The following PTBP1 variants were observed in gnomAD, a reference collection of about 807,000 sequenced individuals.
PTBP1 encodes polypyrimidine tract-binding protein 1.
Under a neutral mutation model 59.8 loss-of-function variants are expected in PTBP1, and 8 were observed. That is an observed-to-expected ratio of 0.13 (90% CI 0.08 to 0.24). PTBP1 has a LOEUF of 0.24. Ranked by LOEUF, PTBP1 falls within the 10% of genes least tolerant of loss-of-function variation. The probability of loss-of-function intolerance (pLI) is 1.00; values close to 1 mark genes in which losing one functional copy is unlikely to be tolerated. For synonymous variants in PTBP1, 490 were observed against 320.7 expected (o/e 1.53, Z -5.64); for missense variants, 686 against 767.0 (o/e 0.89, Z 1.25).
intron 1 of PTBP1, 187 bp from the exon 2 acceptor site, chr19:799,226 G>A (rs2034220393): frequency 2.9e-6 from 2 of 700,072 alleles, no homozygotes; most frequent in Admixed American, 2.1e-5. Context: ...TCAAGTTGCA[G>A]TCAAGTGGAC....
intron 2 of PTBP1, among the ~76,000 whole-genome samples, chr19:802,004 TGAACA>T (rs1432691133): frequency 6.6e-6 from 1 of 152,228 alleles, no homozygotes; most frequent in African/African-American, 2.4e-5. Context: ...TCTTGGGGAC[TGAACA>T]GGTGCCATTT....
Position 810,951 on chromosome 19 carries a change from GT to G in PTBP1, c.*128del. 1.9e-6 allele frequency: 2 copies of G among 1,046,192 alleles called. No individual in the cohort carries two copies. The highest frequency in any genetic ancestry group is 2.6e-6 in the Non-Finnish European group (2 of 759,448). The allele number at this position is 1,046,192 out of a possible 1,614,324, so 64.8% of individuals were successfully genotyped here. On this transcript the variant is annotated 3_prime_UTR_variant, in exon 15 of 15. Transcript: ENST00000356948. ...ATTTTATTTTTTTAAAGAGAAATCA[GT>G]TTACCTGTTTTTAAAAAAATTAAAT...
intron 13 of PTBP1, among the ~76,000 whole-genome samples, chr19:809,018 A>G (rs977704006): frequency 6.6e-6 from 1 of 152,074 alleles, no homozygotes; most frequent in African/African-American, 2.4e-5. Context: ...TTATTTATTT[A>G]TATTTTTTGA....
intron 2 of PTBP1, among the ~76,000 whole-genome samples, chr19:803,144 G>T (rs543585162): frequency 9.9e-5 from 15 of 152,228 alleles, no homozygotes; most frequent in African/African-American, 2.9e-4. Flanking sequence ...GTGCTGCTGG[G>T]GGGGCTGGCT....
rs377512710 is a variant in PTBP1, at chr19:807,913, G to T, written c.1153+11G>T. 1 of 1,608,222 alleles carries T rather than the reference G, an allele frequency of 6.2e-7. No individual in the cohort carries two copies. The highest frequency in any genetic ancestry group is 1.3e-5 in the African/African-American group (1 of 74,842). On this transcript the variant is annotated intron_variant, in intron 11 of 14. Coordinates refer to ENST00000356948, the MANE Select transcript of PTBP1 (RefSeq NM_002819.5). ...TCTTTATTCTTTTCGGTATGTTATC[G>T]TTCACACTTTTATTACCTTGTTTTC...
intron 8 of PTBP1, 135 bp from the exon 9 acceptor site, chr19:805,357 C>G (rs2034516953): frequency 1.7e-6 from 2 of 1,198,810 alleles, no homozygotes; most frequent in African/African-American, 1.5e-5. Context: ...CCACGGCCCC[C>G]CCTGGAGCAG....
At chr19:799,816 A>G (rs896363218) in intron 2 of PTBP1, among the ~76,000 whole-genome samples, 11 of 152,162 alleles carry the variant, frequency 7.2e-5, no homozygotes, top group Non-Finnish European at 1.5e-4. Context: ...CTTGGTTTTG[A>G]TAGGAAAAGA....
chr19:798,011 C>A (rs1026624757), intron 1 of PTBP1, among the ~76,000 whole-genome samples: 1 of 150,768 alleles, frequency 6.6e-6, no homozygotes, highest in African/African-American at 2.4e-5. Flanking sequence ...GCCCCGGAAG[C>A]GCAGGCGGGG....
intron 3 of PTBP1, 111 bp from the exon 4 acceptor site, chr19:803,925 G>A: frequency 1.5e-6 from 2 of 1,297,790 alleles, no homozygotes; most frequent in Non-Finnish European, 2.2e-6. Flanking sequence ...GCACCCTCCT[G>A]GGGCTCAGGG....
rs2034526800 is a variant in PTBP1, at chr19:805,552, C to T, written c.953C>T (p.Ala318Val). The change falls in exon 9 of 15, where the codon GCC becomes GTC. Residue 318 changes from alanine (A) to valine (V), a missense_variant. Physicochemically the swap from Ala to Val is moderately conservative, Grantham distance 64. Transcript: ENST00000356948. ...GGAGCTGGTTTCCCTCCCACCTTTGCCATTCCTCAAGCTGCAGGTATTCAA... is the reference window on the plus strand; with the variant it reads ...GGAGCTGGTTTCCCTCCCACCTTTGTCATTCCTCAAGCTGCAGGTATTCAA... ...YAGAGFPPTFAIPQAAGLSVP... is the reference protein window; with the variant it reads ...YAGAGFPPTFVIPQAAGLSVP... 6.2e-7 allele frequency: 1 copy of T among 1,613,726 alleles called. No individual in the cohort carries two copies. The highest frequency in any genetic ancestry group is 8.5e-7 in the Non-Finnish European group (1 of 1,179,606).
At chr19:797,846 G>T (rs1451942912) in intron 1 of PTBP1, among the ~76,000 whole-genome samples, 1 of 148,400 alleles carries the variant, frequency 6.7e-6, no homozygotes, top group Non-Finnish European at 1.5e-5. Context: ...TTCCCGTCCG[G>T]CCCTCGCGCG....
At chr19:799,782 C>T (rs539150916) in intron 2 of PTBP1, among the ~76,000 whole-genome samples, 1 of 152,304 alleles carries the variant, frequency 6.6e-6, no homozygotes, top group East Asian at 1.9e-4. Flanking sequence ...TGGGAAACCT[C>T]ATGTTGTGGC....
At position 803,636 on chromosome 19, in the gene PTBP1, G is replaced by A. The variant is rs1181143902; in HGVS notation, c.115G>A (p.Ala39Thr). Residue 39 changes from alanine (A) to threonine (T), a missense_variant and splice_region_variant, in exon 3 of 15, where the codon GCA becomes ACA. Coordinates refer to ENST00000356948, the MANE Select transcript of PTBP1 (RefSeq NM_002819.5). Reference sequence around the variant, plus strand: ...CATGAGCAGCAACTCGGCTTCTGCAGGTAAGGCCGGGACTCGGCCCAGGGC... The same window carrying A: ...CATGAGCAGCAACTCGGCTTCTGCAAGTAAGGCCGGGACTCGGCCCAGGGC... ...FIMSSNSASA[A>T]NGNDSKKFKG... The A allele has an allele frequency of 6.2e-7, 1 of 1,613,982 alleles. No homozygotes were observed. Among genetic ancestry groups the A allele is most frequent in the South Asian group, 1.1e-5 (1 of 91,084 alleles).
In PTBP1 at chr19:808,557, C is replaced by T. The variant is rs764360679; in HGVS notation, c.1258C>T (p.Leu420=). 2.5e-6 allele frequency: 4 copies of T among 1,594,454 alleles called. No individual in the cohort carries two copies. The highest frequency in any genetic ancestry group is 2.3e-5 in the East Asian group (1 of 43,688). ...TGCTGCTCCCCCAGCCATGAGCCAC[C>T]TGAACGGGCACAAGCTGCACGGGAA... ...GNQAQLAMSH[L]NGHKLHGKPI... Residue 420 remains leucine (L), a synonymous_variant, in exon 13 of 15, where the codon CTG becomes TTG. Coordinates refer to ENST00000356948, the MANE Select transcript of PTBP1 (RefSeq NM_002819.5). The surrounding 1 kb of genome is among the most constrained non-coding windows in gnomAD (Gnocchi z 4.7).
rs760226303 is a variant in PTBP1, at chr19:804,640, C to T, written c.544C>T (p.Pro182Ser). Residue 182 changes from proline to serine, a missense_variant, in exon 6 of 15, where the codon CCC becomes TCC. Transcript: ENST00000356948. Reference protein sequence around the residue: ...DAGMAMAGQSPVLRIIVENLF... With the variant: ...DAGMAMAGQSSVLRIIVENLF... Reference sequence around the variant, plus strand: ...AGGGATGGCGATGGCCGGGCAGAGCCCCGTGCTCAGGATCATCGTGGAGAA... The same window carrying T: ...AGGGATGGCGATGGCCGGGCAGAGCTCCGTGCTCAGGATCATCGTGGAGAA... The T allele has an allele frequency of 1.2e-6, 2 of 1,612,900 alleles. No individual in the cohort carries two copies. The highest frequency in any genetic ancestry group is 1.3e-5 in the African/African-American group (1 of 74,942).
Position 810,977 on chromosome 19 carries a change from T to G in PTBP1, c.*151T>G, listed in dbSNP as rs752416108. The G allele has an allele frequency of 2.9e-4, 246 of 849,774 alleles. No homozygotes were observed. The highest frequency in any genetic ancestry group is 3.8e-4 in the Non-Finnish European group (226 of 592,854). 52.6% of individuals were successfully genotyped at this position (849,774 alleles called of 1,614,324 possible). ...TTTACCTGTTTTTAAAAAAATTAAATCTAGTTCACCTTGCTCACCCTGCGG... is the reference window on the plus strand; with the variant it reads ...TTTACCTGTTTTTAAAAAAATTAAAGCTAGTTCACCTTGCTCACCCTGCGG... On this transcript the variant is annotated 3_prime_UTR_variant, in exon 15 of 15. Transcript: ENST00000356948.
Position 805,077 on chromosome 19 carries a change from C to G in PTBP1, c.782C>G (p.Thr261Ser). Residue 261 changes from threonine to serine, a missense_variant, in exon 8 of 15, where the codon ACC becomes AGC. Physicochemically the swap from Thr to Ser is moderately conservative, Grantham distance 58 (BLOSUM62 1). Transcript: ENST00000356948. ...CTLRIDFSKL[T>S]SLNVKYNNDK... ...CTGCGCATCGACTTTTCCAAGCTCA[C>G]CAGCCTCAACGTCAAGTACAACAAT... 1 of 1,613,888 alleles carries G rather than the reference C, an allele frequency of 6.2e-7. No homozygotes were observed. The highest frequency in any genetic ancestry group is 8.5e-7 in the Non-Finnish European group (1 of 1,179,882).
At position 804,885 on chromosome 19, in the gene PTBP1, G is replaced by A. The variant is rs898720547; in HGVS notation, c.663G>A (p.Gln221=). ...TCATCACCTTCACCAAGAACAACCA[G>A]TTCCAGGCCCTGCTGCAGTATGCGG... ...LKIITFTKNN[Q]FQALLQYADP... The change falls in exon 7 of 15, where the codon CAG becomes CAA. Residue 221 remains glutamine, a synonymous_variant. Coordinates refer to ENST00000356948, the MANE Select transcript of PTBP1 (RefSeq NM_002819.5). The A allele has an allele frequency of 3.1e-6, 5 of 1,613,876 alleles. No individual in the cohort carries two copies. Among genetic ancestry groups the A allele is most frequent in the Non-Finnish European group, 8.5e-7 (1 of 1,179,936 alleles).
At position 811,712 on chromosome 19, in the gene PTBP1, ATCTTAGAGCCCCT is replaced by A. The variant is rs2034884454; in HGVS notation, c.*887_*899del. On this transcript the variant is annotated 3_prime_UTR_variant, in exon 15 of 15. Coordinates refer to ENST00000356948, the MANE Select transcript of PTBP1 (RefSeq NM_002819.5). ...GTCAGGCACAGGGAGCCCCGGTCCT[ATCTTAGAGCCCCT>A]GAGCTTCAGGGAAGGGGCGGGCGTG... 1 of 152,394 alleles carries A rather than the reference ATCTTAGAGCCCCT, an allele frequency of 6.6e-6. No homozygotes were observed. Among genetic ancestry groups the A allele is most frequent in the Non-Finnish European group, 1.5e-5 (1 of 68,034 alleles). The allele number at this position is 152,394 out of a possible 1,614,324, so 9.4% of individuals were successfully genotyped here.
Sources: allele counts gnomAD v4.1 joint callset (sites outside exome capture counted in the v4.1 genomes callset), GRCh38; gene constraint gnomAD v4.1.1; non-coding constraint Gnocchi (gnomAD v3.1); transcripts MANE v1.5; gene names NCBI Gene and HGNC (gene_info 2026-07-23, HGNC 2026-07-21).